The following PLSCR4 variants were observed in gnomAD, a reference collection of about 807,000 sequenced individuals.
The protein encoded by PLSCR4 is phospholipid scramblase 4, also known as Ca(2+)-dependent phospholipid scramblase 4.
In PLSCR4, 25 loss-of-function variants were observed where a neutral mutation model predicts 36.3. The ratio of observed to expected loss-of-function variants is 0.69; its 90% confidence interval spans 0.50 to 0.96. The LOEUF (loss-of-function observed/expected upper bound fraction) is 0.96. PLSCR4 is among the 40% of genes least tolerant of loss of function. PLSCR4 has a pLI of 0.00. For synonymous variants in PLSCR4, 122 were observed against 132.9 expected, an observed-to-expected ratio of 0.92 and a Z score of 0.56; for missense variants, 408 against 414.7, an observed-to-expected ratio of 0.98 and a Z score of 0.14.
intron 3 of PLSCR4, among the ~76,000 whole-genome samples, chr3:146,218,402 T>C (rs183568754): frequency 9.9e-4 from 151 of 152,012 alleles, no homozygotes; most frequent in African/African-American, 3.5e-3. Context: ...TAAAAGCACC[T>C]CATGTTATAA....
intron 1 of PLSCR4, among the ~76,000 whole-genome samples, chr3:146,225,134 G>A (rs990583398): frequency 3.9e-5 from 6 of 152,010 alleles, no homozygotes; most frequent in African/African-American, 1.4e-4. Context: ...GTGTCCATTG[G>A]TGCACTCACA....
intron 4 of PLSCR4, 53 bp from the exon 5 acceptor site, chr3:146,201,130 C>A (rs2034027160): frequency 1.0e-5 from 11 of 1,090,872 alleles, no homozygotes; most frequent in Non-Finnish European, 1.4e-5. Flanking sequence ...AACTAAAATA[C>A]CACTGTAAAA....
At chr3:146,199,185 G>T (rs1410046203) in intron 6 of PLSCR4, among the ~76,000 whole-genome samples, 1 of 152,102 alleles carries the variant, frequency 6.6e-6, no homozygotes, top group African/African-American at 2.4e-5. Flanking sequence ...AAATTTTACA[G>T]ATTTAAGTAG....
At chr3:146,239,327 T>C (rs2107844247) in intron 1 of PLSCR4, among the ~76,000 whole-genome samples, 1 of 152,244 alleles carries the variant, frequency 6.6e-6, no homozygotes, top group African/African-American at 2.4e-5. Flanking sequence ...TTTCAAAACT[T>C]ACTACAAATG....
At chr3:146,219,333 T>C (rs1284326676) in intron 3 of PLSCR4, among the ~76,000 whole-genome samples, 1 of 152,218 alleles carries the variant, frequency 6.6e-6, no homozygotes, top group Admixed American at 6.5e-5. Flanking sequence ...TCTAGGTTTT[T>C]GGATATAGAG....
At position 146,195,218 on chromosome 3, in the gene PLSCR4, G is replaced by C. The variant is rs1168273006; in HGVS notation, c.851C>G (p.Ser284Ter). 1.2e-6 allele frequency: 2 copies of C among 1,613,364 alleles called. No individual in the cohort carries two copies. Among genetic ancestry groups the C allele is most frequent in the Admixed American group, 3.3e-5 (2 of 60,006 alleles). ...SIIRKWNGLLSAMADADHFDI... is the reference protein window; with the variant it reads ...SIIRKWNGLL ...AAAATGGTCAGCATCTGCCATTGCT[G>C]ATAACAAACCATTCCACTTCCGGAT... Residue 284 changes from serine (S) to a stop codon, truncating the protein, a stop_gained, in exon 8 of 9, where the codon TCA (serine) becomes TGA (stop). Transcript: ENST00000354952. LOFTEE classifies it high-confidence loss of function.
At chr3:146,200,394 C>G (rs2033981640) in intron 5 of PLSCR4, among the ~76,000 whole-genome samples, 1 of 151,898 alleles carries the variant, frequency 6.6e-6, no homozygotes, top group African/African-American at 2.4e-5. Context: ...TTAATCAGTT[C>G]ACGAAACATG....
Position 146,223,392 on chromosome 3 carries a change from A to T in PLSCR4, c.-21-1300T>A, listed in dbSNP as rs868520652. 1.9e-4 allele frequency among the ~76,000 whole-genome samples: 28 copies of T among 145,976 alleles called. No individual in the cohort carries two copies. In the Middle Eastern group the frequency reaches 0.01, roughly 54 times the overall value. On this transcript the variant is annotated intron_variant, in intron 1 of 8. Coordinates refer to ENST00000354952, the MANE Select transcript of PLSCR4 (RefSeq NM_020353.3). ...TATCAAGTGTTAGGCAAAGGGCCCA[A>T]TTCTTTTCACATATCTCTGATTATA...
chr3:146,201,009 C>A, intron 5 of PLSCR4, 26 bp downstream of exon 5: 1 of 1,451,148 alleles, frequency 6.9e-7, no homozygotes, highest in Non-Finnish European at 9.4e-7. Flanking sequence ...TAAAATACTG[C>A]TGAGCACTAC....
At chr3:146,222,224 A>T (rs972132697) in intron 1 of PLSCR4, 132 bp from the exon 2 acceptor site, 10 of 382,962 alleles carry the variant, frequency 2.6e-5, no homozygotes, top group African/African-American at 1.7e-4. Context: ...TTCATTAATT[A>T]AAAAAATACT....
rs751618859 is a variant in PLSCR4, at chr3:146,206,533, A to G, written c.347T>C (p.Leu116Ser). ...TGTATTTTCATGGAGTACCTGAACT[A>G]AGTATTCCAGACCAGGAGGGCAGTT... ...MANCPPGLEY[L>S]VQLDNIHVLQ... The change falls in exon 4 of 9, where the codon TTA (leucine) becomes TCA (serine). Residue 116 changes from leucine (L) to serine (S), a missense_variant. Coordinates refer to ENST00000354952, the MANE Select transcript of PLSCR4 (RefSeq NM_020353.3). 4 of 1,601,372 alleles carry G rather than the reference A, an allele frequency of 2.5e-6. No homozygotes were observed. Among genetic ancestry groups the G allele is most frequent in the Non-Finnish European group, 2.6e-6 (3 of 1,168,518 alleles).
At chr3:146,243,784 A>G (rs776778195) in intron 1 of PLSCR4, among the ~76,000 whole-genome samples, 5 of 152,176 alleles carry the variant, frequency 3.3e-5, no homozygotes, top group Non-Finnish European at 5.9e-5. Flanking sequence ...ACATTCTGAA[A>G]AGTCATCCAT....
At chr3:146,233,432 C>T (rs2035798546) in intron 1 of PLSCR4, among the ~76,000 whole-genome samples, 1 of 151,950 alleles carries the variant, frequency 6.6e-6, no homozygotes, top group South Asian at 2.1e-4. Flanking sequence ...TTGAATGGGG[C>T]CCCACGGAAA....
At chr3:146,219,833 C>T (rs886507743) in intron 3 of PLSCR4, among the ~76,000 whole-genome samples, 36 of 152,066 alleles carry the variant, frequency 2.4e-4, no homozygotes, top group African/African-American at 8.2e-4. Context: ...CCAGCTACTC[C>T]GAAAGCTGAT....
At chr3:146,226,166 C>T (rs1576481685) in intron 1 of PLSCR4, among the ~76,000 whole-genome samples, 1 of 152,092 alleles carries the variant, frequency 6.6e-6, no homozygotes, top group African/African-American at 2.4e-5. Flanking sequence ...CACAAGGAAC[C>T]CTAAGTTCCT....
At chr3:146,246,096 A>G (rs971620590) in intron 1 of PLSCR4, among the ~76,000 whole-genome samples, 1 of 152,134 alleles carries the variant, frequency 6.6e-6, no homozygotes, top group Non-Finnish European at 1.5e-5. Context: ...AGAGAAACGA[A>G]TTCCAGGCTT....
Position 146,195,234 on chromosome 3 carries a change from A to G in PLSCR4, c.835T>C (p.Trp279Arg). The part of the protein sequence containing the change: ...ISNIGSIIRK[W>R]NGLLSAMADA... The stretch of plus-strand genomic sequence containing the variant: ...GCCATTGCTGATAACAAACCATTCC[A>G]CTTCCGGATAATACTGCCGATGTTG... The change falls in exon 8 of 9, where the codon TGG becomes CGG. Residue 279 changes from tryptophan to arginine, a missense_variant. Transcript: ENST00000354952. 6.2e-7 allele frequency: 1 copy of G among 1,613,704 alleles called. No homozygotes were observed. Among genetic ancestry groups the G allele is most frequent in the Admixed American group, 1.7e-5 (1 of 60,004 alleles).
chr3:146,231,720 T>C (rs2035723756), intron 1 of PLSCR4, among the ~76,000 whole-genome samples: 1 of 152,198 alleles, frequency 6.6e-6, no homozygotes, highest in African/African-American at 2.4e-5. Flanking sequence ...TTTTCACTTG[T>C]TGATTTGTTT....
chr3:146,220,970 TATA>T (rs2035110864), intron 2 of PLSCR4, 45 bp from the exon 3 acceptor site: 1 of 1,147,122 alleles, frequency 8.7e-7, no homozygotes, highest in Non-Finnish European at 1.3e-6. Context: ...GAAACAATAA[TATA>T]ATGACAAAAT....
Sources: gnomAD v4.1 joint callset for allele counts (sites outside exome capture counted in the v4.1 genomes callset) on GRCh38, gnomAD v4.1.1 for gene constraint, MANE v1.5 for transcripts, NCBI Gene and HGNC (gene_info 2026-07-23, HGNC 2026-07-21) for gene names.